Variants in CUL3 observed in about 807,000 individuals in gnomAD.
The protein encoded by CUL3 is cullin 3, also known as cullin-3.
In CUL3, 19 loss-of-function variants were observed where a neutral mutation model predicts 89.1. The observed-to-expected ratio is 0.21, with a 90% CI of 0.15 to 0.31. The LOEUF (loss-of-function observed/expected upper bound fraction) is 0.31, where lower values mean the gene tolerates loss of function less well. Ranked by LOEUF, CUL3 falls within the 10% of genes least tolerant of loss-of-function variation. CUL3 has a pLI of 1.00. For missense variants in CUL3, 469 were observed against 942.3 expected (o/e 0.50, Z 6.58); for synonymous variants, 351 against 308.4 (o/e 1.14, Z -1.45).
At chr2:224,527,179 T>C (rs931295904) in intron 3 of CUL3, among the ~76,000 whole-genome samples, 1 of 152,240 alleles carries the variant, frequency 6.6e-6, no homozygotes, top group African/African-American at 2.4e-5. Flanking sequence ...CAAAAGTCAC[T>C]GCATCCTGTT....
rs567847219 is a variant in CUL3 at position 224,542,463 on chromosome 2, C to A, written c.265-6822G>T. ...ACCTGAGCCTCCCAAGTAGCTAGGA[C>A]TTCAGCAGCACGCGCCAGCACTTCT... On this transcript the variant is annotated intron_variant, in intron 2 of 15. Coordinates refer to ENST00000264414, the MANE Select transcript of CUL3 (RefSeq NM_003590.5). Among the ~76,000 whole-genome samples the A allele has an allele frequency of 5.9e-5, 9 of 152,072 alleles. No individual in the cohort carries two copies. The East Asian group carries it at 1.7e-3, about 29-fold the overall frequency.
chr2:224,541,855 C>CTA (rs1694118727), intron 2 of CUL3, among the ~76,000 whole-genome samples: 1 of 150,856 alleles, frequency 6.6e-6, no homozygotes, highest in African/African-American at 2.4e-5. Flanking sequence ...AAATCCAAAA[C>CTA]TATAGTGTTA....
chr2:224,584,753 G>A (rs1348205696), intron 1 of CUL3, among the ~76,000 whole-genome samples, 191 bp downstream of exon 1: 2 of 146,172 alleles, frequency 1.4e-5, no homozygotes, highest in Non-Finnish European at 3.0e-5. Context: ...CGCGGGGAAC[G>A]GCCCGGGAGG....
At chr2:224,480,693 C>T (rs1000527937) in intron 14 of CUL3, among the ~76,000 whole-genome samples, 4 of 152,130 alleles carry the variant, frequency 2.6e-5, no homozygotes, top group Non-Finnish European at 4.4e-5. Flanking sequence ...GTAAGGCAAT[C>T]CAGATAAATA....
At chr2:224,519,871 C>T (rs1321603433) in intron 3 of CUL3, among the ~76,000 whole-genome samples, 1 of 151,760 alleles carries the variant, frequency 6.6e-6, no homozygotes, top group Non-Finnish European at 1.5e-5. Context: ...AAAGTCCCAG[C>T]TCCGGTTACC....
chr2:224,561,355 C>A (rs1338520036), intron 1 of CUL3, among the ~76,000 whole-genome samples: 1 of 152,220 alleles, frequency 6.6e-6, no homozygotes, highest in Non-Finnish European at 1.5e-5. Context: ...TTCACACAAA[C>A]TTCTGATCTG....
intron 1 of CUL3, among the ~76,000 whole-genome samples, chr2:224,582,027 C>T (rs190011976): frequency 2.0e-5 from 3 of 152,094 alleles, no homozygotes; most frequent in East Asian, 1.9e-4. Flanking sequence ...TGCAATGGCG[C>T]GATCTCAGCT....
In CUL3 at chr2:224,471,965, A is replaced by G; in HGVS notation, c.*2280T>C. 4.3e-6 allele frequency: 1 copy of G among 231,240 alleles called. No homozygotes were observed. The highest frequency in any genetic ancestry group is 8.6e-6 in the Non-Finnish European group (1 of 116,792). The allele number at this position is 231,240 out of a possible 1,614,324, so 14.3% of individuals were successfully genotyped here. A position where few individuals can be genotyped will look rare whatever the true frequency, so the allele number is the denominator to read the frequency against. On this transcript the variant is annotated 3_prime_UTR_variant, in exon 16 of 16. Coordinates refer to ENST00000264414, the MANE Select transcript of CUL3 (RefSeq NM_003590.5). ...AAATTAAAGCATTAAAAACTGAGAA[A>G]AAATAGCATCTGTGACCTCTTGCTA...
chr2:224,490,091 T>C (rs527615612), intron 13 of CUL3, among the ~76,000 whole-genome samples: 1 of 152,198 alleles, frequency 6.6e-6, no homozygotes, highest in South Asian at 2.1e-4. Context: ...CTAACAAACA[T>C]GAATAAAAGC....
rs567074267 is a variant in CUL3 at position 224,537,294 on chromosome 2, C to T, written c.265-1653G>A. Among the ~76,000 whole-genome samples the T allele has an allele frequency of 3.7e-4, 56 of 152,106 alleles. 1 individual carries two copies. Among genetic ancestry groups the T allele is most frequent in the East Asian group, 7.7e-4 (4 of 5,192 alleles). ...ATCTTTTCCTACATATTGGGGAAAACGAGGTTATTAGATTTAATGATGAGA... is the reference window on the plus strand; with the variant it reads ...ATCTTTTCCTACATATTGGGGAAAATGAGGTTATTAGATTTAATGATGAGA... On this transcript the variant is annotated intron_variant, in intron 2 of 15. Coordinates refer to ENST00000264414, the MANE Select transcript of CUL3 (RefSeq NM_003590.5).
At chr2:224,533,987 A>G (rs1277550007) in intron 3 of CUL3, among the ~76,000 whole-genome samples, 1 of 152,172 alleles carries the variant, frequency 6.6e-6, no homozygotes, top group Non-Finnish European at 1.5e-5. Flanking sequence ...CTACCAAGTA[A>G]AAGAAACTAG....
intron 15 of CUL3, among the ~76,000 whole-genome samples, chr2:224,475,220 T>C (rs1159985437): frequency 6.6e-6 from 1 of 152,174 alleles, no homozygotes; most frequent in East Asian, 1.9e-4. Context: ...GGTTTCATCA[T>C]GTTAGCCAGG....
rs766416620 is a variant in CUL3 at position 224,503,017 on chromosome 2, C to G, written c.1433G>C (p.Ser478Thr). The G allele has an allele frequency of 1.9e-6, 3 of 1,614,010 alleles. No homozygotes were observed. In the Admixed American group the frequency reaches 5.0e-5, roughly 27 times the overall value. The change falls in exon 10 of 16, where the codon AGC becomes ACC. Residue 478 changes from serine (S) to threonine (T), a missense_variant. Physicochemically the swap from Ser to Thr is moderately conservative, Grantham distance 58 (BLOSUM62 1). Coordinates refer to ENST00000264414, the MANE Select transcript of CUL3 (RefSeq NM_003590.5). ...SKLEGMFRDM[S>T]ISNTTMDEFR... Reference sequence around the variant, plus strand: ...TTCATCCATCGTTGTGTTTGAGATGCTCATATCCCTAAACATTCCTTCCAG... The same window carrying G: ...TTCATCCATCGTTGTGTTTGAGATGGTCATATCCCTAAACATTCCTTCCAG...
intron 1 of CUL3, among the ~76,000 whole-genome samples, chr2:224,577,022 T>C (rs181575059): frequency 1.9e-4 from 29 of 152,332 alleles, no homozygotes; most frequent in African/African-American, 7.0e-4. Context: ...TTCTAGAAGT[T>C]GTACAATAAA....
At chr2:224,512,136 C>T (rs540738253) in intron 5 of CUL3, among the ~76,000 whole-genome samples, 84 of 151,450 alleles carry the variant, frequency 5.5e-4, no homozygotes, top group African/African-American at 1.9e-3. Context: ...CGCTCTGTCA[C>T]CCAGGCTAGA....
chr2:224,583,814 T>G (rs1695501767), intron 1 of CUL3, among the ~76,000 whole-genome samples: 1 of 152,214 alleles, frequency 6.6e-6, no homozygotes, highest in Admixed American at 6.5e-5. Flanking sequence ...CTTTCCTCAC[T>G]GCAACTGCGC....
chr2:224,480,458 C>T (rs367563012), intron 14 of CUL3, among the ~76,000 whole-genome samples: 1 of 152,220 alleles, frequency 6.6e-6, no homozygotes, highest in East Asian at 1.9e-4. Context: ...AACTTTTAAG[C>T]TCTAGTGAAA....
chr2:224,510,325 A>T (rs991276217), intron 6 of CUL3, among the ~76,000 whole-genome samples: 4 of 149,102 alleles, frequency 2.7e-5, no homozygotes, highest in African/African-American at 9.9e-5. Context: ...TTTAAATTAC[A>T]TATAACTTTT....
intron 6 of CUL3, among the ~76,000 whole-genome samples, chr2:224,510,602 G>GT (rs1692785882): frequency 6.6e-6 from 1 of 152,048 alleles, no homozygotes; most frequent in Non-Finnish European, 1.5e-5. Flanking sequence ...AAAGTACCAT[G>GT]TTTTTTATTT....
Sources: allele counts gnomAD v4.1 joint callset (sites outside exome capture counted in the v4.1 genomes callset), GRCh38; gene constraint gnomAD v4.1.1; transcripts MANE v1.5; gene names NCBI Gene and HGNC (gene_info 2026-07-23, HGNC 2026-07-21).